Variants in PTPRN2 observed in about 807,000 individuals in gnomAD.
PTPRN2 encodes the protein receptor-type tyrosine-protein phosphatase N2.
In PTPRN2, 74 loss-of-function variants were observed where a neutral mutation model predicts 118.8. That is an observed-to-expected ratio of 0.62 (90% CI 0.52 to 0.76). The LOEUF is 0.76. Among genes scored for constraint, PTPRN2 ranks in the 30% least tolerant of loss-of-function variants. The pLI, the probability that PTPRN2 is intolerant of heterozygous loss-of-function variation, is 0.00. For synonymous variants in PTPRN2, 641 were observed against 608.0 expected (o/e 1.05, Z -0.80); for missense variants, 1,481 against 1,394.4 (o/e 1.06, Z -0.99).
Position 157,779,599 on chromosome 7 carries a change from A to C in PTPRN2, c.1789-96662T>G, listed in dbSNP as rs573150779. Among the ~76,000 whole-genome samples, 348 of 152,188 alleles carry C rather than the reference A, an allele frequency of 2.3e-3. 2 individuals are homozygous for C. Among genetic ancestry groups the C allele is most frequent in the Non-Finnish European group, 4.0e-3 (270 of 68,008 alleles). On this transcript the variant is annotated intron_variant, in intron 12 of 22. Transcript: ENST00000389418. The surrounding 1 kb of genome is among the most constrained non-coding windows in gnomAD (Gnocchi z 4.7). ...CTCCGGTGCTTGCCTTCTCTGTCTA[A>C]ATAACTTGCTTCTCACCCTGCTGCA...
In PTPRN2 at chr7:158,022,389, T is replaced by A. The variant is rs922397502; in HGVS notation, c.1723+58909A>T. Among the ~76,000 whole-genome samples the A allele has an allele frequency of 6.6e-6, 1 of 152,188 alleles. No individual in the cohort carries two copies. Among genetic ancestry groups the A allele is most frequent in the Admixed American group, 6.5e-5 (1 of 15,278 alleles). ...CACCCCCACTCTCCAGTTCCATGAT[T>A]TCCCACGGTGATTACTGAGGGAAGA... is the stretch of plus-strand genomic sequence containing the variant. On this transcript the variant is annotated intron_variant, in intron 11 of 22. Transcript: ENST00000389418. The surrounding 1 kb of genome is among the most constrained non-coding windows in gnomAD (Gnocchi z 4.6).
intron 5 of PTPRN2, among the ~76,000 whole-genome samples, chr7:158,170,695 G>A (rs535088796): frequency 6.6e-6 from 1 of 152,274 alleles, no homozygotes; most frequent in South Asian, 2.1e-4. Flanking sequence ...CCATAACCAA[G>A]AGGGCCTGAG....
intron 3 of PTPRN2, among the ~76,000 whole-genome samples, chr7:158,248,544 C>T (rs529525281): frequency 1.6e-4 from 25 of 152,262 alleles, no homozygotes; most frequent in South Asian, 6.2e-4. Flanking sequence ...CCCATGCACA[C>T]ATATCACATA....
chr7:158,070,319 G>T (rs1445086710), intron 11 of PTPRN2, among the ~76,000 whole-genome samples: 1 of 150,608 alleles, frequency 6.6e-6, no homozygotes, highest in African/African-American at 2.4e-5. Flanking sequence ...TGGTGGTGGA[G>T]GTGCTCGTGG....
At chr7:158,439,035 G>A (rs1274600092) in intron 2 of PTPRN2, among the ~76,000 whole-genome samples, 1 of 152,178 alleles carries the variant, frequency 6.6e-6, no homozygotes, top group Non-Finnish European at 1.5e-5. Flanking sequence ...GCTCAATTGT[G>A]TATTCACTGG....
chr7:158,537,066 C>T (rs1013950370), intron 1 of PTPRN2, among the ~76,000 whole-genome samples: 7 of 152,178 alleles, frequency 4.6e-5, no homozygotes, highest in Admixed American at 4.6e-4. Context: ...AGCCCACCCT[C>T]TGCTCGCCCC....
At position 157,609,247 on chromosome 7, in the gene PTPRN2, G is replaced by C. The variant is rs1263001616; in HGVS notation, c.2345-5172C>G. ...AAAATACAAAAATTAGCCAGGCGTG[G>C]TGGTGGGCGGCTGTAATCCCAGCTA... is the stretch of plus-strand genomic sequence containing the variant. On this transcript the variant is annotated intron_variant, in intron 15 of 22. Transcript: ENST00000389418. The surrounding 1 kb of genome is among the most constrained non-coding windows in gnomAD (Gnocchi z 4.9). Among the ~76,000 whole-genome samples the C allele has an allele frequency of 6.6e-6, 1 of 152,174 alleles. No individual in the cohort carries two copies. The highest frequency in any genetic ancestry group is 2.1e-4 in the South Asian group (1 of 4,824).
chr7:157,795,277 G>C (rs1242730374), intron 12 of PTPRN2, among the ~76,000 whole-genome samples: 2 of 152,188 alleles, frequency 1.3e-5, no homozygotes, highest in African/African-American at 4.8e-5. Context: ...ACTTTGGCAG[G>C]AGGGAGGGTG....
chr7:158,276,563 CTG>C (rs1799017740), intron 3 of PTPRN2, among the ~76,000 whole-genome samples: 2 of 152,204 alleles, frequency 1.3e-5, no homozygotes, highest in African/African-American at 4.8e-5. Context: ...CACCCTGGCC[CTG>C]GGCAGTCGTG....
At position 157,929,990 on chromosome 7, in the gene PTPRN2, A is replaced by G. The variant is rs1239769718; in HGVS notation, c.1724-31253T>C. ...GACACCCGTCCCAGCTCAGACGCTC[A>G]GCTCTGGGCCATCACCCGTCGCTCA... On this transcript the variant is annotated intron_variant, in intron 11 of 22. Transcript: ENST00000389418. This position sits in a 1 kb window ranked among gnomAD's most constrained non-coding sequence, Gnocchi z 4.4. Among the ~76,000 whole-genome samples the G allele has an allele frequency of 6.6e-6, 1 of 152,240 alleles. No individual in the cohort carries two copies. The highest frequency in any genetic ancestry group is 1.5e-5 in the Non-Finnish European group (1 of 68,036).
chr7:158,585,924 C>T (rs1464188486), intron 1 of PTPRN2, among the ~76,000 whole-genome samples: 1 of 152,216 alleles, frequency 6.6e-6, no homozygotes, highest in African/African-American at 2.4e-5. Flanking sequence ...ACAACCCCAG[C>T]AAGAGGCCAC....
At chr7:157,911,771 C>CT (rs564116855) in intron 11 of PTPRN2, among the ~76,000 whole-genome samples, 1 of 151,562 alleles carries the variant, frequency 6.6e-6, no homozygotes, top group Non-Finnish European at 1.5e-5. Flanking sequence ...TGTATGTAGA[C>CT]TTTTTTTTTC....
chr7:158,169,511 C>T (rs1823344377), intron 5 of PTPRN2, among the ~76,000 whole-genome samples: 1 of 150,894 alleles, frequency 6.6e-6, no homozygotes, highest in South Asian at 2.1e-4. Flanking sequence ...AAACTCCTGG[C>T]CTCAAGTGAT....
chr7:158,011,178 C>T (rs749993175), intron 11 of PTPRN2, among the ~76,000 whole-genome samples: 10 of 152,216 alleles, frequency 6.6e-5, no homozygotes, highest in Non-Finnish European at 8.8e-5. Flanking sequence ...TGGGTCTGTA[C>T]GTCATTGCTA....
At chr7:158,023,235 A>G (rs1277680686) in intron 11 of PTPRN2, among the ~76,000 whole-genome samples, 1 of 152,074 alleles carries the variant, frequency 6.6e-6, no homozygotes, top group Non-Finnish European at 1.5e-5. Context: ...CATCTCGCTA[A>G]AGGAGGAGCT....
At chr7:158,413,486 G>T (rs141484658) in intron 2 of PTPRN2, among the ~76,000 whole-genome samples, 1 of 152,350 alleles carries the variant, frequency 6.6e-6, no homozygotes, top group East Asian at 1.9e-4. Context: ...CTAGGAAACT[G>T]GCCACTGTCC....
At chr7:158,341,258 C>T (rs1413917125) in intron 2 of PTPRN2, among the ~76,000 whole-genome samples, 1 of 149,554 alleles carries the variant, frequency 6.7e-6, no homozygotes, top group African/African-American at 2.4e-5. Flanking sequence ...CACCTGCAGA[C>T]GTCATTCACA....
At chr7:157,905,785 G>A (rs1210335301) in intron 11 of PTPRN2, among the ~76,000 whole-genome samples, 1 of 152,182 alleles carries the variant, frequency 6.6e-6, no homozygotes, top group Non-Finnish European at 1.5e-5. Flanking sequence ...TTAGAAGGTG[G>A]GAGGGGAGGG....
At chr7:157,788,374 C>CAAAA (rs749886375) in intron 12 of PTPRN2, among the ~76,000 whole-genome samples, 2 of 75,544 alleles carry the variant, frequency 2.6e-5, no homozygotes, top group African/African-American at 4.6e-5. Context: ...GACTCCATCT[C>CAAAA]AAAAAAAAAA....
Sources: gnomAD v4.1 joint callset for allele counts (sites outside exome capture counted in the v4.1 genomes callset) on GRCh38, gnomAD v4.1.1 for gene constraint, Gnocchi (gnomAD v3.1) non-coding constraint, MANE v1.5 for transcripts, NCBI Gene and HGNC (gene_info 2026-07-23, HGNC 2026-07-21) for gene names.